Variants in GCSAM observed in about 807,000 individuals in gnomAD.
GCSAM encodes germinal center associated signaling and motility.
In GCSAM, 8 loss-of-function variants were observed where a neutral mutation model predicts 17.6. That is an observed-to-expected ratio of 0.46 (90% CI 0.27 to 0.82). GCSAM has a LOEUF of 0.82. GCSAM is among the 40% of genes least tolerant of loss of function. The pLI is 0.15. For synonymous variants in GCSAM, 68 were observed against 69.0 expected, an observed-to-expected ratio of 0.98 and a Z score of 0.07; for missense variants, 192 against 213.5, an observed-to-expected ratio of 0.90 and a Z score of 0.63.
chr3:112,128,197 C>A (rs1210657797), intron 2 of GCSAM, 136 bp from the exon 3 acceptor site: 2 of 742,710 alleles, frequency 2.7e-6, no homozygotes, highest in African/African-American at 1.7e-5. Flanking sequence ...ATAACTTGGA[C>A]ACATCTCTCA....
intron 4 of GCSAM, among the ~76,000 whole-genome samples, chr3:112,126,721 C>T (rs2074328424): frequency 6.6e-6 from 1 of 152,194 alleles, no homozygotes; most frequent in South Asian, 2.1e-4. Context: ...TTCTCCTCCA[C>T]CTTTTGTATC....
Position 112,130,925 on chromosome 3 carries a change from C to G in GCSAM, c.30-412G>C, listed in dbSNP as rs1431069190. The G allele has an allele frequency of 2.3e-5, 4 of 171,460 alleles. No homozygotes were observed. The South Asian group carries it at 6.3e-4, about 27-fold the overall frequency. The allele number at this position is 171,460 out of a possible 1,614,324, so 10.6% of individuals were successfully genotyped here. ...CTGGCTTTGTCTTGTGTAAATCACA[C>G]CATCTTTCACAGAAAGCATGGAGGC... On this transcript the variant is annotated intron_variant, in intron 1 of 5. Coordinates refer to ENST00000308910, the MANE Select transcript of GCSAM (RefSeq NM_152785.5).
chr3:112,130,843 A>C (rs902599535), intron 1 of GCSAM: 1 of 348,820 alleles, frequency 2.9e-6, no homozygotes, highest in Non-Finnish European at 5.5e-6. Flanking sequence ...TGAGGTCCTC[A>C]GCTACCATCT....
chr3:112,127,356 C>T (rs1335317145), intron 3 of GCSAM, among the ~76,000 whole-genome samples: 1 of 152,082 alleles, frequency 6.6e-6, no homozygotes, highest in Admixed American at 6.5e-5. Flanking sequence ...AATTTCTTTT[C>T]TATCATGTGA....
In GCSAM at chr3:112,125,272, A is replaced by T; in HGVS notation, c.191-18T>A. ...TCTTTCATCTGGAGAAAGAAAATAC[A>T]CTCAATGAATTTCAGGTTATGGGGA... is the stretch of plus-strand genomic sequence containing the variant. On this transcript the variant is annotated intron_variant, in intron 4 of 5. Transcript: ENST00000308910. 6.5e-7 allele frequency: 1 copy of T among 1,544,470 alleles called. No homozygotes were observed. The highest frequency in any genetic ancestry group is 2.2e-5 in the East Asian group (1 of 44,528).
At chr3:112,126,878 A>G in intron 4 of GCSAM, 109 bp downstream of exon 4, 1 of 792,116 alleles carries the variant, frequency 1.3e-6, no homozygotes, top group South Asian at 1.5e-5. Flanking sequence ...CAAAATGTGT[A>G]GATATTGTAA....
At chr3:112,124,136 G>GTA (rs2074257581) in intron 5 of GCSAM, among the ~76,000 whole-genome samples, 1 of 152,178 alleles carries the variant, frequency 6.6e-6, no homozygotes, top group Admixed American at 6.5e-5. Flanking sequence ...TCTCATGAAT[G>GTA]GCTTAGTGCC....
chr3:112,124,150 C>T (rs1208555309), intron 5 of GCSAM, among the ~76,000 whole-genome samples: 1 of 152,170 alleles, frequency 6.6e-6, no homozygotes, highest in African/African-American at 2.4e-5. Flanking sequence ...TAGTGCCATC[C>T]TCGCAGTTAT....
In GCSAM at chr3:112,123,127, A is replaced by G; in HGVS notation, c.*328T>C. 1 of 314,574 alleles carries G rather than the reference A, an allele frequency of 3.2e-6. No individual in the cohort carries two copies. The highest frequency in any genetic ancestry group is 5.9e-6 in the Non-Finnish European group (1 of 168,498). 19.5% of individuals were successfully genotyped at this position (314,574 alleles called of 1,614,324 possible). On this transcript the variant is annotated 3_prime_UTR_variant, in exon 6 of 6. Transcript: ENST00000308910. ...GATCATGGGAACACTTTATAAGAAG[A>G]TCCCAGACAGAAGAGCAGAGCCCCT...
intron 5 of GCSAM, among the ~76,000 whole-genome samples, chr3:112,124,527 G>C (rs1445557999): frequency 6.6e-6 from 1 of 152,132 alleles, no homozygotes; most frequent in Non-Finnish European, 1.5e-5. Flanking sequence ...AGAATCGCTT[G>C]AACCCAGGAG....
In GCSAM at chr3:112,128,694, A is replaced by G. The variant is rs534808415; in HGVS notation, c.99-633T>C. 20 of 163,174 alleles carry G rather than the reference A, an allele frequency of 1.2e-4. No individual in the cohort carries two copies. In the South Asian group the frequency reaches 3.3e-3, roughly 27 times the overall value. 10.1% of individuals were successfully genotyped at this position (163,174 alleles called of 1,614,324 possible). On this transcript the variant is annotated intron_variant, in intron 2 of 5. Transcript: ENST00000308910. ...CAGGACAACCCTGGTGCAGGAGGTC[A>G]GCAAATCTACCACCTTGACTCCAAC...
At chr3:112,130,287 A>G in intron 2 of GCSAM, 158 bp downstream of exon 2, 1 of 679,654 alleles carries the variant, frequency 1.5e-6, no homozygotes, top group Non-Finnish European at 2.6e-6. Context: ...AAAGTTTTCA[A>G]GCATTTTATC....
chr3:112,130,645 CAT>C (rs773905076), intron 1 of GCSAM, 132 bp from the exon 2 acceptor site: 1 of 768,194 alleles, frequency 1.3e-6, no homozygotes, highest in Non-Finnish European at 2.3e-6. Flanking sequence ...TGCCCTCACA[CAT>C]GTTAATACTG....
chr3:112,131,972 A>C (rs1044748091), intron 1 of GCSAM, among the ~76,000 whole-genome samples: 1 of 152,174 alleles, frequency 6.6e-6, no homozygotes, highest in Admixed American at 6.5e-5. Context: ...AAATTTTTTT[A>C]AAGTTTTTTT....
intron 2 of GCSAM, 68 bp downstream of exon 2, chr3:112,130,377 C>T: frequency 7.8e-7 from 1 of 1,279,676 alleles, no homozygotes; most frequent in Non-Finnish European, 1.1e-6. Flanking sequence ...GATGTGAAGT[C>T]CAGGGCTTGA....
chr3:112,132,857 C>T (rs368739574), intron 1 of GCSAM: 26 of 490,896 alleles, frequency 5.3e-5, no homozygotes, highest in Admixed American at 4.4e-4. Context: ...GTCTTTCCAC[C>T]TTTCAGCTAT....
chr3:112,123,178 T>A lies in GCSAM; in HGVS notation c.*277A>T. 2.1e-6 allele frequency: 1 copy of A among 473,626 alleles called. No individual in the cohort carries two copies. The highest frequency in any genetic ancestry group is 3.8e-6 in the Non-Finnish European group (1 of 263,908). 29.3% of individuals were successfully genotyped at this position (473,626 alleles called of 1,614,324 possible). ...TGTGGTGTGCATAGCTTTAGGGGAA[T>A]CAGGGAGCCCCTCCTACCACTATAC... On this transcript the variant is annotated 3_prime_UTR_variant, in exon 6 of 6. Coordinates refer to ENST00000308910, the MANE Select transcript of GCSAM (RefSeq NM_152785.5).
chr3:112,132,622 A>G, intron 1 of GCSAM: 2 of 984,900 alleles, frequency 2.0e-6, no homozygotes, highest in Non-Finnish European at 2.4e-6. Context: ...TTTAATCTAG[A>G]TGACCTCTGC....
At chr3:112,128,310 T>A in intron 2 of GCSAM, 1 of 650,516 alleles carries the variant, frequency 1.5e-6, no homozygotes, top group Non-Finnish European at 2.8e-6. Context: ...AAATGTTTCC[T>A]CACTCTCAAT....
Sources: gnomAD v4.1 joint callset for allele counts (sites outside exome capture counted in the v4.1 genomes callset) on GRCh38, gnomAD v4.1.1 for gene constraint, MANE v1.5 for transcripts, NCBI Gene and HGNC (gene_info 2026-07-23, HGNC 2026-07-21) for gene names.